The following FHIT variants were observed in gnomAD, a reference collection of about 807,000 sequenced individuals.
The protein encoded by FHIT is fragile histidine triad diadenosine triphosphatase.
Under a neutral mutation model 17.9 loss-of-function variants are expected in FHIT, and 19 were observed. The ratio of observed to expected loss-of-function variants is 1.06; its 90% confidence interval spans 0.74 to 1.56. The LOEUF is 1.56. Among genes scored for constraint, FHIT ranks in the 40% most tolerant of loss-of-function variants. The probability of loss-of-function intolerance (pLI) is 0.00; values close to 1 mark genes in which losing one functional copy is unlikely to be tolerated. For missense variants in FHIT, 248 were observed against 189.2 expected, an observed-to-expected ratio of 1.31 and a Z score of -1.82; for synonymous variants, 81 against 69.7, an observed-to-expected ratio of 1.16 and a Z score of -0.81.
rs530753849 is a variant in FHIT at position 61,047,405 on chromosome 3, C to G, written c.-163-5306G>C. 1.1e-3 allele frequency among the ~76,000 whole-genome samples: 166 copies of G among 152,218 alleles called. 2 individuals carry two copies. In the South Asian group the frequency reaches 0.018, roughly 17 times the overall value. The stretch of plus-strand genomic sequence containing the variant: ...AATTGCTTCAAAGAGAATAAAATGC[C>G]TAGGAATGCAACTTACAAAAGATGT... On this transcript the variant is annotated intron_variant, in intron 2 of 9. Transcript: ENST00000492590.
chr3:60,116,103 T>C (rs1032482246), intron 5 of FHIT, among the ~76,000 whole-genome samples: 6 of 152,182 alleles, frequency 3.9e-5, no homozygotes, highest in Non-Finnish European at 8.8e-5. Flanking sequence ...GCGTTAACTA[T>C]AGACTAGTGT....
intron 5 of FHIT, among the ~76,000 whole-genome samples, chr3:60,370,494 A>T (rs182052351): frequency 5.4e-4 from 82 of 152,278 alleles, no homozygotes; most frequent in Non-Finnish European, 1.0e-3. Flanking sequence ...ATATTCATCT[A>T]GATATCCACC....
chr3:60,905,840 G>A (rs950244894), intron 3 of FHIT, among the ~76,000 whole-genome samples: 4 of 152,118 alleles, frequency 2.6e-5, no homozygotes, highest in Admixed American at 6.5e-5. Flanking sequence ...TTCAAAGAGC[G>A]TGAGTAAAAA....
At chr3:60,037,950 G>A (rs1701287834) in intron 5 of FHIT, among the ~76,000 whole-genome samples, 1 of 152,096 alleles carries the variant, frequency 6.6e-6, no homozygotes, top group South Asian at 2.1e-4. Flanking sequence ...CTGAGCTCAG[G>A]CAATCTGCCC....
intron 5 of FHIT, among the ~76,000 whole-genome samples, chr3:60,527,954 C>T (rs1417331197): frequency 6.6e-6 from 1 of 152,222 alleles, no homozygotes; most frequent in Non-Finnish European, 1.5e-5. Flanking sequence ...TCCATTCAAA[C>T]CACTCATAGG....
At chr3:60,197,109 G>A (rs549546798) in intron 5 of FHIT, among the ~76,000 whole-genome samples, 78 of 152,140 alleles carry the variant, frequency 5.1e-4, no homozygotes, top group Middle Eastern at 3.4e-3. Context: ...TTTAAAATTC[G>A]AAAAGCAGCA....
chr3:60,353,744 C>T (rs1467880256), intron 5 of FHIT, among the ~76,000 whole-genome samples: 2 of 151,922 alleles, frequency 1.3e-5, no homozygotes, highest in Non-Finnish European at 2.9e-5. Context: ...ATTTGAGTGG[C>T]TGAAAAACAA....
In FHIT at chr3:59,749,245, A is replaced by AGTAACT; in HGVS notation, c.*334_*339dup. 1 of 231,048 alleles carries AGTAACT rather than the reference A, an allele frequency of 4.3e-6. No individual in the cohort carries two copies. The highest frequency in any genetic ancestry group is 8.6e-6 in the Non-Finnish European group (1 of 116,608). The allele number at this position is 231,048 out of a possible 1,614,324, so 14.3% of individuals were successfully genotyped here. A position where few individuals can be genotyped will look rare whatever the true frequency, so the allele number is the denominator to read the frequency against. On this transcript the variant is annotated 3_prime_UTR_variant, in exon 10 of 10. Transcript: ENST00000492590. Reference sequence around the variant, plus strand: ...CCAACGATTGAATTTCCTTTAAAAAAGTAACTGTAACTGTAATAGGTTTGT... The same window carrying AGTAACT: ...CCAACGATTGAATTTCCTTTAAAAAAGTAACTGTAACTGTAACTGTAATAGGTTTGT...
intron 3 of FHIT, among the ~76,000 whole-genome samples, chr3:60,896,251 A>C (rs1553761941): frequency 6.6e-6 from 1 of 152,102 alleles, no homozygotes; most frequent in Non-Finnish European, 1.5e-5. Flanking sequence ...CACTGTTCTA[A>C]GGGCCCTTAT....
intron 8 of FHIT, among the ~76,000 whole-genome samples, chr3:59,826,042 C>A (rs1700966196): frequency 6.6e-6 from 1 of 152,234 alleles, no homozygotes; most frequent in Non-Finnish European, 1.5e-5. Flanking sequence ...TCCCTGCAAA[C>A]ACGACTTCTT....
intron 1 of FHIT, among the ~76,000 whole-genome samples, chr3:61,250,315 T>A (rs891640044): frequency 2.0e-5 from 3 of 152,094 alleles, no homozygotes; most frequent in East Asian, 1.9e-4. Context: ...CAGGTGCGAG[T>A]AGGGACCACC....
intron 4 of FHIT, among the ~76,000 whole-genome samples, chr3:60,574,664 T>C (rs782349777): frequency 6.6e-5 from 10 of 152,130 alleles, no homozygotes; most frequent in Non-Finnish European, 1.2e-4. Flanking sequence ...TGGTCCAACG[T>C]AACACTTTGA....
intron 8 of FHIT, among the ~76,000 whole-genome samples, chr3:59,813,980 CT>C (rs1197941060): frequency 1.3e-5 from 2 of 151,864 alleles, no homozygotes; most frequent in Non-Finnish European, 2.9e-5. Flanking sequence ...TCATAGTTGT[CT>C]GTCACTGACA....
At chr3:59,810,861 G>C (rs1190941236) in intron 8 of FHIT, among the ~76,000 whole-genome samples, 2 of 152,204 alleles carry the variant, frequency 1.3e-5, no homozygotes, top group Non-Finnish European at 2.9e-5. Flanking sequence ...ATAAGACTGA[G>C]TCAGGTTTTG....
At chr3:60,960,435 T>C (rs545257422) in intron 3 of FHIT, among the ~76,000 whole-genome samples, 5 of 152,344 alleles carry the variant, frequency 3.3e-5, no homozygotes, top group Admixed American at 2.6e-4. Context: ...ATTTTATTTT[T>C]ATTACACTTT....
chr3:60,516,314 C>CA, intron 5 of FHIT, among the ~76,000 whole-genome samples: 1 of 152,234 alleles, frequency 6.6e-6, no homozygotes, highest in East Asian at 1.9e-4. Context: ...TGAAGAGTGA[C>CA]AAATCTCTAA....
chr3:59,912,410 T>A (rs1207232957), intron 8 of FHIT, among the ~76,000 whole-genome samples: 1 of 152,228 alleles, frequency 6.6e-6, no homozygotes, highest in African/African-American at 2.4e-5. Context: ...CAGTCTTCAA[T>A]ATCAACTGAT....
chr3:60,137,695 A>G (rs924476108), intron 5 of FHIT, among the ~76,000 whole-genome samples: 3 of 152,218 alleles, frequency 2.0e-5, no homozygotes, highest in African/African-American at 7.2e-5. Flanking sequence ...AAGGAAGGAA[A>G]TAAGCCAAAG....
chr3:60,115,736 T>A (rs144123113), intron 5 of FHIT, among the ~76,000 whole-genome samples: 70 of 152,186 alleles, frequency 4.6e-4, no homozygotes, highest in African/African-American at 1.6e-3. Flanking sequence ...CATTAAGAAA[T>A]CAGGTTTTCA....
Sources: gnomAD v4.1 joint callset for allele counts (sites outside exome capture counted in the v4.1 genomes callset) on GRCh38, gnomAD v4.1.1 for gene constraint, MANE v1.5 for transcripts, NCBI Gene and HGNC (gene_info 2026-07-23, HGNC 2026-07-21) for gene names.